Variants in CAMKK1 observed in about 807,000 individuals in gnomAD.
CAMKK1 encodes calcium/calmodulin dependent protein kinase kinase 1.
CAMKK1 carries 20 observed loss-of-function variants against 63.5 expected under a neutral mutation model. The observed-to-expected ratio is 0.32, with a 90% CI of 0.22 to 0.46. The LOEUF (loss-of-function observed/expected upper bound fraction) is 0.46, where lower values mean the gene tolerates loss of function less well. Among genes scored for constraint, CAMKK1 ranks in the 20% least tolerant of loss-of-function variants. The pLI is 1.00. For synonymous variants in CAMKK1, 253 were observed against 269.0 expected, an observed-to-expected ratio of 0.94 and a Z score of 0.58; for missense variants, 588 against 658.1, an observed-to-expected ratio of 0.89 and a Z score of 1.17.
rs7223709 is a variant in CAMKK1, at chr17:3,879,819, C to T, written c.796+527G>A. 0.11 allele frequency: 17,608 copies of T among 154,254 alleles called. 1,885 individuals carry two copies. The highest frequency in any genetic ancestry group is 0.3 in the East Asian group (1,563 of 5,230). The allele number at this position is 154,254 out of a possible 1,614,324, so 9.6% of individuals were successfully genotyped here. ...TAGATTCCTGTCCCTCCCACTAGGC[C>T]GTGAACTCGGGTCTGGGTCTTTCAC... On this transcript the variant is annotated intron_variant, in intron 9 of 15. Coordinates refer to ENST00000348335, the MANE Select transcript of CAMKK1 (RefSeq NM_032294.3). The surrounding 1 kb of genome is among the most constrained non-coding windows in gnomAD (Gnocchi z 4.5).
intron 1 of CAMKK1, 90 bp from the exon 2 acceptor site, chr17:3,885,820 T>C (rs1235168959): frequency 7.5e-7 from 1 of 1,326,142 alleles, no homozygotes; most frequent in African/African-American, 1.5e-5. Flanking sequence ...CCCACCTCCA[T>C]GCCTTTGCCC....
chr17:3,865,215 C>G (rs552541692), intron 15 of CAMKK1: 2 of 985,638 alleles, frequency 2.0e-6, no homozygotes, highest in African/African-American at 3.5e-5. Context: ...GAGGACGAGG[C>G]GCACAGGCTT....
rs1225415824 is a variant in CAMKK1 at position 3,882,784 on chromosome 17, A to G, written c.649-220T>C. On this transcript the variant is annotated intron_variant, in intron 6 of 15. Transcript: ENST00000348335. The surrounding 1 kb of genome is among the most constrained non-coding windows in gnomAD (Gnocchi z 4.3). ...ACGACATCCAGCCTTCCTCCCCTCC[A>G]GCTGCAATGAGGGGCTCACTTCTTG... Among the ~76,000 whole-genome samples, 4 of 152,010 alleles carry G rather than the reference A, an allele frequency of 2.6e-5. No individual in the cohort carries two copies. The highest frequency in any genetic ancestry group is 4.4e-5 in the Non-Finnish European group (3 of 67,976).
At position 3,881,511 on chromosome 17, in the gene CAMKK1, G is replaced by A. The variant is rs146966157; in HGVS notation, c.707+116C>T. 3.9e-4 allele frequency: 381 copies of A among 977,916 alleles called. No individual in the cohort carries two copies. In the Middle Eastern group the frequency reaches 4.2e-3, roughly 11 times the overall value. The allele number at this position is 977,916 out of a possible 1,614,324, so 60.6% of individuals were successfully genotyped here. A position where few individuals can be genotyped will look rare whatever the true frequency, so the allele number is the denominator to read the frequency against. On this transcript the variant is annotated intron_variant, in intron 8 of 15. Coordinates refer to ENST00000348335, the MANE Select transcript of CAMKK1 (RefSeq NM_032294.3). ...GTCTCTTATTTACCCCTAAGGGCAGGGCCTCCGTCTCTGACTTCTCCTAGA... is the reference window on the plus strand; with the variant it reads ...GTCTCTTATTTACCCCTAAGGGCAGAGCCTCCGTCTCTGACTTCTCCTAGA...
rs2054360034 is a variant in CAMKK1, at chr17:3,862,391, C to A, written c.1446-108G>T. 3.2e-6 allele frequency: 3 copies of A among 952,332 alleles called. No homozygotes were observed. In the South Asian group the frequency reaches 4.4e-5, roughly 14 times the overall value. The allele number at this position is 952,332 out of a possible 1,614,324, so 59.0% of individuals were successfully genotyped here. A position where few individuals can be genotyped will look rare whatever the true frequency, so the allele number is the denominator to read the frequency against. ...ATCTGAATCCCACATCTCTCAAAGC[C>A]CCCTTCACCCACTGCCCCAAGCTTG... On this transcript the variant is annotated intron_variant, in intron 15 of 15. Transcript: ENST00000348335. This position sits in a 1 kb window ranked among gnomAD's most constrained non-coding sequence, Gnocchi z 4.1.
At chr17:3,863,949 C>T (rs1311022963) in intron 15 of CAMKK1, among the ~76,000 whole-genome samples, 1 of 151,232 alleles carries the variant, frequency 6.6e-6, no homozygotes, top group African/African-American at 2.4e-5. Context: ...ATTATTATTA[C>T]TTTTTTTTCT....
At position 3,884,451 on chromosome 17, in the gene CAMKK1, G is replaced by A. The variant is rs763886749; in HGVS notation, c.361-24C>T. ...TCCTGTGGGGGAAGAGCGAGCACCA[G>A]GTGGAGCTGGGTCCGGAGGCAGCAC... On this transcript the variant is annotated intron_variant, in intron 2 of 15. Coordinates refer to ENST00000348335, the MANE Select transcript of CAMKK1 (RefSeq NM_032294.3). This position sits in a 1 kb window ranked among gnomAD's most constrained non-coding sequence, Gnocchi z 4.5. 6.2e-7 allele frequency: 1 copy of A among 1,611,200 alleles called. No individual in the cohort carries two copies. Among genetic ancestry groups the A allele is most frequent in the East Asian group, 2.2e-5 (1 of 44,832 alleles).
chr17:3,893,017 C>CGCCCCGCCT lies in CAMKK1; in HGVS notation c.-123_-122insAGGCGGGGC, dbSNP rs2143924450. 2.0e-5 allele frequency: 3 copies of CGCCCCGCCT among 149,500 alleles called. 1 individual carries two copies. The highest frequency in any genetic ancestry group is 7.3e-5 in the African/African-American group (3 of 41,070). The allele number at this position is 149,500 out of a possible 1,614,324, so 9.3% of individuals were successfully genotyped here. A position where few individuals can be genotyped will look rare whatever the true frequency, so the allele number is the denominator to read the frequency against. On this transcript the variant is annotated 5_prime_UTR_variant, in exon 1 of 16. Coordinates refer to ENST00000348335, the MANE Select transcript of CAMKK1 (RefSeq NM_032294.3). This position sits in a 1 kb window ranked among gnomAD's most constrained non-coding sequence, Gnocchi z 4.6. ...GCTGCGCGCCCCGCCCCGCCCCGCC[C>CGCCCCGCCT]CGCCCCACCGCCTCGCTGGGGCCCA...
chr17:3,872,721 G>A, intron 11 of CAMKK1, 94 bp from the exon 12 acceptor site: 1 of 1,030,526 alleles, frequency 9.7e-7, no homozygotes. Flanking sequence ...GCAGGGGTAG[G>A]GGGCAGGTCT....
Position 3,866,019 on chromosome 17 carries a change from G to A in CAMKK1, c.1342-8C>T, listed in dbSNP as rs1555538081. The A allele has an allele frequency of 2.5e-6, 4 of 1,613,502 alleles. No individual in the cohort carries two copies. Among genetic ancestry groups the A allele is most frequent in the Non-Finnish European group, 3.4e-6 (4 of 1,179,820 alleles). ...CATGGACTTCACCAGGATCTGAGGA[G>A]GACAAGGCAGCGTGAGGAGCACAGG... On this transcript the variant is annotated splice_polypyrimidine_tract_variant and splice_region_variant and intron_variant, in intron 14 of 15. Transcript: ENST00000348335.
intron 10 of CAMKK1, among the ~76,000 whole-genome samples, chr17:3,875,014 C>A (rs916754902): frequency 6.6e-6 from 1 of 151,774 alleles, no homozygotes. Flanking sequence ...CCCAGCTACT[C>A]GGGAGGTTGA....
In CAMKK1 at chr17:3,890,385, AG is replaced by A. The variant is rs1297964480; in HGVS notation, c.-44+2553del. Among the ~76,000 whole-genome samples, 1 of 152,064 alleles carries A rather than the reference AG, an allele frequency of 6.6e-6. No homozygotes were observed. Among genetic ancestry groups the A allele is most frequent in the Non-Finnish European group, 1.5e-5 (1 of 68,004 alleles). ...GCGCATCGTCCTGGCCCACCCACGGAGGCTGATGGTCTCCAGGCCTCATCCT... is the reference window on the plus strand; with the variant it reads ...GCGCATCGTCCTGGCCCACCCACGGAGCTGATGGTCTCCAGGCCTCATCCT... On this transcript the variant is annotated intron_variant, in intron 1 of 15. Coordinates refer to ENST00000348335, the MANE Select transcript of CAMKK1 (RefSeq NM_032294.3). The surrounding 1 kb of genome is among the most constrained non-coding windows in gnomAD (Gnocchi z 6.5).
chr17:3,873,764 C>T (rs1567621840), intron 10 of CAMKK1, among the ~76,000 whole-genome samples: 2 of 152,090 alleles, frequency 1.3e-5, no homozygotes, highest in African/African-American at 2.4e-5. Flanking sequence ...TCACACGGGC[C>T]GCTCCCGTGC....
Position 3,879,040 on chromosome 17 carries a change from C to T in CAMKK1, c.796+1306G>A, listed in dbSNP as rs2055292311. 1 of 152,226 alleles carries T rather than the reference C, an allele frequency of 6.6e-6. No homozygotes were observed. Among genetic ancestry groups the T allele is most frequent in the South Asian group, 2.1e-4 (1 of 4,838 alleles). 9.4% of individuals were successfully genotyped at this position (152,226 alleles called of 1,614,324 possible). A position where few individuals can be genotyped will look rare whatever the true frequency, so the allele number is the denominator to read the frequency against. On this transcript the variant is annotated intron_variant, in intron 9 of 15. Transcript: ENST00000348335. The surrounding 1 kb of genome is among the most constrained non-coding windows in gnomAD (Gnocchi z 4.5). ...CGTTGGCCAGGCTGGTCTCAAACCC[C>T]TGACCTCAGGTGATCTACCCACCTC...
Position 3,887,083 on chromosome 17 carries a change from C to T in CAMKK1, c.-43-1353G>A, listed in dbSNP as rs1049944214. On this transcript the variant is annotated intron_variant, in intron 1 of 15. Coordinates refer to ENST00000348335, the MANE Select transcript of CAMKK1 (RefSeq NM_032294.3). This position sits in a 1 kb window ranked among gnomAD's most constrained non-coding sequence, Gnocchi z 6.1. ...ATCCCCTTGCTTTGACAGATGTCAG[C>T]GAGGCAGGGCTGGCTGGAGTCCACC... 6.6e-6 allele frequency among the ~76,000 whole-genome samples: 1 copy of T among 152,116 alleles called. No homozygotes were observed. Among genetic ancestry groups the T allele is most frequent in the African/African-American group, 2.4e-5 (1 of 41,418 alleles).
At position 3,862,330 on chromosome 17, in the gene CAMKK1, G is replaced by T; in HGVS notation, c.1446-47C>A. The T allele has an allele frequency of 7.1e-7, 1 of 1,415,260 alleles. No homozygotes were observed. Among genetic ancestry groups the T allele is most frequent in the Non-Finnish European group, 9.8e-7 (1 of 1,022,152 alleles). 87.7% of individuals were successfully genotyped at this position (1,415,260 alleles called of 1,614,324 possible). A position where few individuals can be genotyped will look rare whatever the true frequency, so the allele number is the denominator to read the frequency against. ...CAGAGGGACCTCAGGGTCAGAATAT[G>T]CACTCAGGGAGACACTCTCCCTCAC... On this transcript the variant is annotated intron_variant, in intron 15 of 15. Coordinates refer to ENST00000348335, the MANE Select transcript of CAMKK1 (RefSeq NM_032294.3). The surrounding 1 kb of genome is among the most constrained non-coding windows in gnomAD (Gnocchi z 4.1).
intron 12 of CAMKK1, among the ~76,000 whole-genome samples, chr17:3,871,341 T>TTTG (rs1567617968): frequency 7.3e-5 from 6 of 82,098 alleles, no homozygotes; most frequent in Non-Finnish European, 1.4e-4. Flanking sequence ...TTGTTTTTTT[T>TTTG]TTTTTGTTTT....
chr17:3,880,236 G>T, intron 9 of CAMKK1, 110 bp downstream of exon 9: 1 of 901,110 alleles, frequency 1.1e-6, no homozygotes, highest in Non-Finnish European at 1.7e-6. Flanking sequence ...AAGCTGATTG[G>T]CAGGTCAGCT....
At position 3,873,480 on chromosome 17, in the gene CAMKK1, C is replaced by T; in HGVS notation, c.997-18G>A. The T allele has an allele frequency of 1.9e-6, 3 of 1,613,910 alleles. No homozygotes were observed. Among genetic ancestry groups the T allele is most frequent in the Non-Finnish European group, 2.5e-6 (3 of 1,179,866 alleles). ...TCCAAGGCCTGGAAAGAAACATGCT[C>T]ACATCAGTCCCCAACAGGCACAGCC... On this transcript the variant is annotated intron_variant, in intron 10 of 15. Coordinates refer to ENST00000348335, the MANE Select transcript of CAMKK1 (RefSeq NM_032294.3).
Sources: allele counts gnomAD v4.1 joint callset (sites outside exome capture counted in the v4.1 genomes callset), GRCh38; gene constraint gnomAD v4.1.1; non-coding constraint Gnocchi (gnomAD v3.1); transcripts MANE v1.5; gene names NCBI Gene and HGNC (gene_info 2026-07-23, HGNC 2026-07-21).